The following PEX1 variants were observed in gnomAD, a reference collection of about 807,000 sequenced individuals.
The protein encoded by PEX1 is peroxisomal ATPase PEX1.
Under a neutral mutation model 152.5 loss-of-function variants are expected in PEX1, and 97 were observed. The ratio of observed to expected loss-of-function variants is 0.64; its 90% CI spans 0.54 to 0.75. The LOEUF (loss-of-function observed/expected upper bound fraction) is 0.75, where lower values mean the gene tolerates loss of function less well. PEX1 is among the 30% of genes least tolerant of loss of function. PEX1 has a pLI of 0.00. For synonymous variants in PEX1, 485 were observed against 531.6 expected, an observed-to-expected ratio of 0.91 and a Z score of 1.21; for missense variants, 1,357 against 1,516.3, an observed-to-expected ratio of 0.89 and a Z score of 1.74.
chr7:92,493,130 C>A lies in PEX1; in HGVS notation c.3031-1G>T. 2 of 1,547,186 alleles carry A rather than the reference C, an allele frequency of 1.3e-6. No homozygotes were observed. The highest frequency in any genetic ancestry group is 1.8e-6 in the Non-Finnish European group (2 of 1,129,582). ...CATTTAAAATTTCAAGACGTGACAC[C>A]TGAAAGGAGAAAAATTTATTTAACA... On this transcript the variant is annotated splice_acceptor_variant, in intron 19 of 23. Coordinates refer to ENST00000248633, the MANE Select transcript of PEX1 (RefSeq NM_000466.3). LOFTEE classifies it high-confidence loss of function.
intron 1 of PEX1, 113 bp downstream of exon 1, chr7:92,528,194 T>C: frequency 3.5e-6 from 5 of 1,418,452 alleles, no homozygotes; most frequent in East Asian, 2.5e-5. Flanking sequence ...CCCTGATCTC[T>C]GCGCGCTTCG....
In PEX1 at chr7:92,494,304, G is replaced by A. The variant is rs1007605651; in HGVS notation, c.3019C>T (p.Pro1007Ser). 6.2e-7 allele frequency: 1 copy of A among 1,612,328 alleles called. No homozygotes were observed. Among genetic ancestry groups the A allele is most frequent in the African/African-American group, 1.3e-5 (1 of 74,902 alleles). The change falls in exon 19 of 24, where the codon CCT becomes TCT. Residue 1007 changes from proline (P) to serine (S), a missense_variant. Coordinates refer to ENST00000248633, the MANE Select transcript of PEX1 (RefSeq NM_000466.3). ...TATGAAATTGTCACCTGATCAGGAG[G>A]AGGACAGTATACACATTTATCTAGT... Reference protein sequence around the residue: ...GRLDKCVYCPPPDQVSRLEIL... With the variant: ...GRLDKCVYCPSPDQVSRLEIL...
Position 92,504,832 on chromosome 7 carries a change from A to G in PEX1, c.1971T>C (p.Ser657=). 6.2e-7 allele frequency: 1 copy of G among 1,613,976 alleles called. No individual in the cohort carries two copies. Among genetic ancestry groups the G allele is most frequent in the Non-Finnish European group, 8.5e-7 (1 of 1,179,840 alleles). ...GGTCAAGGTCATCCAGCAGGACAAC[A>G]GATGGCTGCATCCACACTGCCTCTG... ...AFSEAVWMQP[S]VVLLDDLDLI... is the part of the protein sequence containing the mutation. Residue 657 remains serine (S), a synonymous_variant, in exon 12 of 24, where the codon TCT becomes TCC. Coordinates refer to ENST00000248633, the MANE Select transcript of PEX1 (RefSeq NM_000466.3).
At position 92,517,430 on chromosome 7, in the gene PEX1, G is replaced by A. The variant is rs138758170; in HGVS notation, c.1085C>T (p.Ser362Leu). 4.4e-4 allele frequency: 713 copies of A among 1,613,688 alleles called. 5 individuals carry two copies. Among genetic ancestry groups the A allele is most frequent in the Non-Finnish European group, 2.7e-4 (317 of 1,179,964 alleles). The part of the protein sequence containing the change: ...VLSPEKEKQM[S>L]EPLDQKKIRS... ...AATTTTTTTTTGATCTAGTGGCTCTGACATCTGCTTCTCTTTTTCAGGTGA... is the reference window on the plus strand; with the variant it reads ...AATTTTTTTTTGATCTAGTGGCTCTAACATCTGCTTCTCTTTTTCAGGTGA... Residue 362 changes from serine to leucine, a missense_variant, in exon 5 of 24, where the codon TCA becomes TTA. Ser to Leu is a moderately radical substitution (Grantham distance 145). Transcript: ENST00000248633.
intron 6 of PEX1, 84 bp downstream of exon 6, chr7:92,513,759 TACAAC>T (rs1440449441): frequency 1.1e-6 from 1 of 948,080 alleles, no homozygotes; most frequent in African/African-American, 1.6e-5. Context: ...CAAAAAGGAA[TACAAC>T]ATTCTTATTA....
chr7:92,500,290 T>C (rs541496681), intron 15 of PEX1, among the ~76,000 whole-genome samples: 2 of 152,338 alleles, frequency 1.3e-5, no homozygotes, highest in South Asian at 2.1e-4. Flanking sequence ...TCAAGTTACC[T>C]TTTAAGGCAC....
intron 14 of PEX1, 70 bp downstream of exon 14, chr7:92,501,820 T>C: frequency 6.9e-7 from 1 of 1,445,868 alleles, no homozygotes; most frequent in South Asian, 1.1e-5. Context: ...TTAATTCTTG[T>C]CTTACTACAA....
At chr7:92,519,152 T>C (rs969896859) in intron 2 of PEX1, 74 bp from the exon 3 acceptor site, 5 of 824,168 alleles carry the variant, frequency 6.1e-6, no homozygotes, top group Non-Finnish European at 1.0e-5. Context: ...TAAGAAGTTA[T>C]CTTCTTACCA....
chr7:92,517,405 A>G lies in PEX1; in HGVS notation c.1110T>C (p.Ile370=). 6.2e-7 allele frequency: 1 copy of G among 1,613,580 alleles called. No individual in the cohort carries two copies. The highest frequency in any genetic ancestry group is 8.5e-7 in the Non-Finnish European group (1 of 1,179,868). The change falls in exon 5 of 24, where the codon ATT becomes ATC. Residue 370 remains isoleucine (I), a synonymous_variant. Transcript: ENST00000248633. ...CATCTTCTTCATTATGATCTGACCT[A>G]ATTTTTTTTTGATCTAGTGGCTCTG... The part of the protein sequence containing the change: ...QMSEPLDQKK[I]RSDHNEEDEK...
At chr7:92,519,251 G>T (rs1475249369) in intron 2 of PEX1, among the ~76,000 whole-genome samples, 173 bp from the exon 3 acceptor site, 1 of 152,036 alleles carries the variant, frequency 6.6e-6, no homozygotes, top group African/African-American at 2.4e-5. Flanking sequence ...GAGAGATGGG[G>T]CCTGGCTCTG....
intron 14 of PEX1, 44 bp downstream of exon 14, chr7:92,501,846 A>G (rs775499156): frequency 1.0e-5 from 16 of 1,529,440 alleles, no homozygotes; most frequent in Non-Finnish European, 1.1e-5. Context: ...TTTCTCCACA[A>G]TAGAAAGAAG....
chr7:92,499,174 TAG>T (rs1383001958), intron 16 of PEX1, among the ~76,000 whole-genome samples: 1 of 152,182 alleles, frequency 6.6e-6, no homozygotes, highest in Non-Finnish European at 1.5e-5. Context: ...TTTGAAAAGT[TAG>T]AGAATTACCC....
In PEX1 at chr7:92,503,129, T is replaced by C. The variant is rs1356967048; in HGVS notation, c.2138A>G (p.Gln713Arg). ...GSLVALIATS[Q>R]SQQSLHPLLV... ...TAAAGGATGTAGAGATTGCTGAGAC[T>C]GACTTGTGGCAATCAGTGCAACCAA... Residue 713 changes from glutamine to arginine, a missense_variant, in exon 13 of 24, where the codon CAG becomes CGG. Coordinates refer to ENST00000248633, the MANE Select transcript of PEX1 (RefSeq NM_000466.3). 2.5e-6 allele frequency: 4 copies of C among 1,613,666 alleles called. No homozygotes were observed. The highest frequency in any genetic ancestry group is 1.3e-5 in the African/African-American group (1 of 74,932).
chr7:92,497,850 A>G (rs1232846758), intron 16 of PEX1, among the ~76,000 whole-genome samples: 7 of 151,986 alleles, frequency 4.6e-5, no homozygotes, highest in Non-Finnish European at 1.5e-5. Flanking sequence ...CTGGTGGATC[A>G]TGAGGTCAGG....
In PEX1 at chr7:92,517,757, A is replaced by G; in HGVS notation, c.758T>C (p.Phe253Ser). ...ASLWTMIGSI[F>S]SFQSEKKQET... ...TTGTTTCTTCTCAGATTGAAAGGAA[A>G]AAATGCTTCCTATCATAGTCCATAA... The change falls in exon 5 of 24, where the codon TTT becomes TCT. Residue 253 changes from phenylalanine to serine, a missense_variant. Physicochemically the swap from Phe to Ser is radical, Grantham distance 155. Coordinates refer to ENST00000248633, the MANE Select transcript of PEX1 (RefSeq NM_000466.3). The G allele has an allele frequency of 6.2e-7, 1 of 1,603,800 alleles. No homozygotes were observed. Among genetic ancestry groups the G allele is most frequent in the South Asian group, 1.1e-5 (1 of 89,472 alleles).
At chr7:92,489,558 T>G (rs1791156960) in intron 22 of PEX1, 135 bp from the exon 23 acceptor site, 4 of 1,046,096 alleles carry the variant, frequency 3.8e-6, no homozygotes, top group Non-Finnish European at 5.8e-6. Flanking sequence ...AATGAAACAT[T>G]GAAAGCAAGG....
At position 92,509,308 on chromosome 7, in the gene PEX1, A is replaced by G; in HGVS notation, c.1670+21T>C. ...GTGTTAAAAACATGTCTAACATGCT[A>G]GTTTGGCCATAACTTCTTACCCCAA... On this transcript the variant is annotated intron_variant, in intron 9 of 23. Transcript: ENST00000248633. 3 of 1,505,742 alleles carry G rather than the reference A, an allele frequency of 2.0e-6. 1 individual carries two copies. Among genetic ancestry groups the G allele is most frequent in the Non-Finnish European group, 2.8e-6 (3 of 1,081,574 alleles). 93.3% of individuals were successfully genotyped at this position (1,505,742 alleles called of 1,614,324 possible). A position where few individuals can be genotyped will look rare whatever the true frequency, so the allele number is the denominator to read the frequency against.
At chr7:92,506,868 G>T in intron 10 of PEX1, 126 bp downstream of exon 10, 1 of 884,478 alleles carries the variant, frequency 1.1e-6, no homozygotes, top group Non-Finnish European at 1.9e-6. Flanking sequence ...CTTTCCATAT[G>T]TCGTATAAAC....
Position 92,487,468 on chromosome 7 carries a change from T to G in PEX1, c.3841A>C (p.Thr1281Pro). ...GTMFRPGQKV[T>P]LA ...AAAAGAAGTATATTTTATGCTAAAG[T>G]TACTTTCTGTCCAGGTCGAAACATT... is the stretch of plus-strand genomic sequence containing the variant. Residue 1281 changes from threonine to proline, a missense_variant, in exon 24 of 24, where the codon ACT becomes CCT. By Grantham distance (38) the Thr-to-Pro change is conservative. Coordinates refer to ENST00000248633, the MANE Select transcript of PEX1 (RefSeq NM_000466.3). 1 of 1,575,940 alleles carries G rather than the reference T, an allele frequency of 6.3e-7. No homozygotes were observed. Among genetic ancestry groups the G allele is most frequent in the Admixed American group, 1.7e-5 (1 of 59,004 alleles).
Sources: allele counts gnomAD v4.1 joint callset (sites outside exome capture counted in the v4.1 genomes callset), GRCh38; gene constraint gnomAD v4.1.1; transcripts MANE v1.5; gene names NCBI Gene and HGNC (gene_info 2026-07-23, HGNC 2026-07-21).